Variants in CDK17 observed in about 807,000 individuals in gnomAD.
CDK17 encodes cyclin-dependent kinase 17.
CDK17 carries 24 observed loss-of-function variants against 77.6 expected under a neutral mutation model. The observed-to-expected ratio is 0.31, with a 90% confidence interval of 0.22 to 0.44. The LOEUF (loss-of-function observed/expected upper bound fraction) is 0.44, where lower values mean the gene tolerates loss of function less well. Ranked by LOEUF, CDK17 falls within the 20% of genes least tolerant of loss-of-function variation. CDK17 has a pLI of 1.00. For synonymous variants in CDK17, 203 were observed against 210.4 expected (o/e 0.96, Z 0.30); for missense variants, 429 against 622.5 (o/e 0.69, Z 3.31).
intron 1 of CDK17, among the ~76,000 whole-genome samples, chr12:96,349,709 CA>C (rs879543336): frequency 6.6e-6 from 1 of 152,050 alleles, no homozygotes; most frequent in Non-Finnish European, 1.5e-5. Flanking sequence ...AGATAAAAAA[CA>C]AGACAAAGAT....
intron 10 of CDK17, among the ~76,000 whole-genome samples, chr12:96,290,793 T>C (rs1318993485): frequency 1.3e-5 from 2 of 152,218 alleles, no homozygotes; most frequent in African/African-American, 2.4e-5. Flanking sequence ...GTTTCCTCAG[T>C]ATCCTACTCT....
intron 1 of CDK17, among the ~76,000 whole-genome samples, chr12:96,397,684 C>A (rs552563769): frequency 2.6e-4 from 40 of 152,084 alleles, no homozygotes; most frequent in African/African-American, 9.6e-4. Flanking sequence ...AACCTTGCTA[C>A]TTTTTGGTAG....
chr12:96,355,842 C>T (rs1953385796), intron 1 of CDK17, among the ~76,000 whole-genome samples: 1 of 152,164 alleles, frequency 6.6e-6, no homozygotes, highest in East Asian at 1.9e-4. Flanking sequence ...TAAATACCTA[C>T]AGAATGAAGG....
At chr12:96,367,403 C>A (rs1953605934) in intron 1 of CDK17, among the ~76,000 whole-genome samples, 1 of 144,382 alleles carries the variant, frequency 6.9e-6, no homozygotes, top group African/African-American at 2.5e-5. Flanking sequence ...GTTCTCAAGT[C>A]TGAGGTTAAT....
chr12:96,361,989 C>T (rs1953499526), intron 1 of CDK17, among the ~76,000 whole-genome samples: 1 of 152,050 alleles, frequency 6.6e-6, no homozygotes, highest in South Asian at 2.1e-4. Flanking sequence ...ATTTTTATTG[C>T]CTGAGATGTA....
chr12:96,356,630 A>C (rs186148556), intron 1 of CDK17, among the ~76,000 whole-genome samples: 1 of 152,182 alleles, frequency 6.6e-6, no homozygotes, highest in Non-Finnish European at 1.5e-5. Flanking sequence ...ATAGTTCACT[A>C]TATTGGAACC....
chr12:96,399,933 G>T (rs1954232578), intron 1 of CDK17, 53 bp downstream of exon 1: 1 of 345,286 alleles, frequency 2.9e-6, no homozygotes, highest in Non-Finnish European at 5.2e-6. Flanking sequence ...CCGGCCCCGC[G>T]GCCGACCCGA....
intron 1 of CDK17, among the ~76,000 whole-genome samples, chr12:96,341,196 G>A (rs572034302): frequency 6.6e-6 from 1 of 152,252 alleles, no homozygotes; most frequent in African/African-American, 2.4e-5. Context: ...AGATTAAACA[G>A]TGTGACTTAA....
rs1565853335 is a variant in CDK17 at position 96,400,219 on chromosome 12, A to G, written c.-263T>C. ...CACGCGTTGCCAAGTCCCTCGGTCA[A>G]CATGGCTCCCGCGCCGACGAGCCGC... On this transcript the variant is annotated 5_prime_UTR_variant, in exon 1 of 17. Transcript: ENST00000261211. 5.1e-6 allele frequency: 2 copies of G among 394,454 alleles called. No individual in the cohort carries two copies. Among genetic ancestry groups the G allele is most frequent in the Non-Finnish European group, 9.0e-6 (2 of 223,252 alleles). 24.4% of individuals were successfully genotyped at this position (394,454 alleles called of 1,614,324 possible).
At chr12:96,330,992 G>A (rs1352379972) in intron 2 of CDK17, among the ~76,000 whole-genome samples, 1 of 152,174 alleles carries the variant, frequency 6.6e-6, no homozygotes, top group Non-Finnish European at 1.5e-5. Context: ...TGTTACCCAG[G>A]CTGGAATGCA....
chr12:96,292,747 CT>C (rs1952342753), intron 10 of CDK17, among the ~76,000 whole-genome samples: 1 of 152,106 alleles, frequency 6.6e-6, no homozygotes, highest in African/African-American at 2.4e-5. Flanking sequence ...AAATTCAAAG[CT>C]GCTCTACAAA....
chr12:96,318,066 G>A lies in CDK17; in HGVS notation c.284-4612C>T. Among the ~76,000 whole-genome samples, 2 of 152,010 alleles carry A rather than the reference G, an allele frequency of 1.3e-5. 1 individual carries two copies. Among genetic ancestry groups the A allele is most frequent in the East Asian group, 3.9e-4 (2 of 5,188 alleles). ...ATTCAGGAAACCCATCTCACATGCA[G>A]ACACACACATAGGCTCAAAATAAAA... On this transcript the variant is annotated intron_variant, in intron 3 of 16. Transcript: ENST00000261211.
At chr12:96,369,526 C>G (rs1158152934) in intron 1 of CDK17, among the ~76,000 whole-genome samples, 1 of 152,086 alleles carries the variant, frequency 6.6e-6, no homozygotes, top group East Asian at 1.9e-4. Context: ...GCCTATAATC[C>G]CAGCACTCTG....
intron 3 of CDK17, among the ~76,000 whole-genome samples, chr12:96,316,392 A>G (rs1165057326): frequency 6.7e-6 from 1 of 149,564 alleles, no homozygotes; most frequent in Non-Finnish European, 1.5e-5. Context: ...GGCGCCCGCC[A>G]TTGCCCAGGC....
intron 1 of CDK17, among the ~76,000 whole-genome samples, chr12:96,341,454 G>A (rs1953121875): frequency 6.6e-6 from 1 of 152,168 alleles, no homozygotes; most frequent in Non-Finnish European, 1.5e-5. Flanking sequence ...TAAAAGGGCA[G>A]TAAAGGGTTA....
At chr12:96,343,644 T>A (rs1953156753) in intron 1 of CDK17, among the ~76,000 whole-genome samples, 1 of 152,214 alleles carries the variant, frequency 6.6e-6, no homozygotes, top group African/African-American at 2.4e-5. Context: ...TAATAGAAAC[T>A]TCAGTGACTA....
chr12:96,341,890 T>TTA (rs1226514606), intron 1 of CDK17, among the ~76,000 whole-genome samples: 1 of 152,206 alleles, frequency 6.6e-6, no homozygotes, highest in Non-Finnish European at 1.5e-5. Flanking sequence ...TAAAAGGACT[T>TTA]ATTAGAGTGG....
chr12:96,310,761 T>A (rs576182128), intron 5 of CDK17, among the ~76,000 whole-genome samples: 1 of 150,482 alleles, frequency 6.6e-6, no homozygotes, highest in Non-Finnish European at 1.5e-5. Flanking sequence ...CCAGCACATA[T>A]CTAGTGTATC....
chr12:96,325,687 T>C (rs886958475), intron 2 of CDK17, among the ~76,000 whole-genome samples: 2 of 152,200 alleles, frequency 1.3e-5, no homozygotes, highest in African/African-American at 4.8e-5. Context: ...ACAGAACATG[T>C]GTCTAAAGTT....
Sources: allele counts gnomAD v4.1 joint callset (sites outside exome capture counted in the v4.1 genomes callset), GRCh38; gene constraint gnomAD v4.1.1; transcripts MANE v1.5; gene names NCBI Gene and HGNC (gene_info 2026-07-23, HGNC 2026-07-21).